PHKB: variants seen among roughly 807,000 people sequenced by gnomAD.
PHKB encodes phosphorylase kinase regulatory subunit beta.
In PHKB, 122 loss-of-function variants were observed where a neutral mutation model predicts 152.1. The ratio of observed to expected loss-of-function variants is 0.80; its 90% CI spans 0.69 to 0.93. The LOEUF (loss-of-function observed/expected upper bound fraction) is 0.93. PHKB is among the 40% of genes least tolerant of loss of function. The pLI, the probability that PHKB is intolerant of heterozygous loss-of-function variation, is 0.00. For missense variants in PHKB, 1,304 were observed against 1,328.4 expected (o/e 0.98, Z 0.29); for synonymous variants, 436 against 464.9 (o/e 0.94, Z 0.80).
chr16:47,483,649 G>A (rs1970003568), intron 1 of PHKB, among the ~76,000 whole-genome samples: 1 of 151,976 alleles, frequency 6.6e-6, no homozygotes, highest in Non-Finnish European at 1.5e-5. Flanking sequence ...TCCCATCTCC[G>A]TTTATAAGCA....
intron 20 of PHKB, among the ~76,000 whole-genome samples, chr16:47,654,070 C>G (rs139658970): frequency 6.6e-6 from 1 of 152,260 alleles, no homozygotes; most frequent in African/African-American, 2.4e-5. Context: ...CAAAGTATTT[C>G]TACAAATATG....
At chr16:47,630,108 G>A (rs1972798673) in intron 14 of PHKB, among the ~76,000 whole-genome samples, 2 of 152,010 alleles carry the variant, frequency 1.3e-5, no homozygotes, top group African/African-American at 2.4e-5. Flanking sequence ...GCACCAGCAA[G>A]GCACATGTAT....
chr16:47,630,039 A>C (rs376573410), intron 14 of PHKB, among the ~76,000 whole-genome samples: 16 of 84,452 alleles, frequency 1.9e-4, no homozygotes, highest in East Asian at 1.3e-3. Context: ...TCGGGGGAGG[A>C]GGGGGGGATG....
intron 10 of PHKB, among the ~76,000 whole-genome samples, chr16:47,591,229 C>A (rs1167215762): frequency 6.6e-6 from 1 of 152,104 alleles, no homozygotes; most frequent in Non-Finnish European, 1.5e-5. Flanking sequence ...CAAACGAAAC[C>A]CTTCCTCAGC....
chr16:47,463,181 A>G, intron 1 of PHKB: 1 of 152,616 alleles, frequency 6.6e-6, no homozygotes. Flanking sequence ...TTTCTTCGTC[A>G]GTCTTTGTTT....
intron 14 of PHKB, among the ~76,000 whole-genome samples, chr16:47,631,339 C>A (rs1972822958): frequency 1.3e-5 from 2 of 152,190 alleles, no homozygotes; most frequent in Non-Finnish European, 2.9e-5. Context: ...GTTTCCTCAT[C>A]TTTAAAATGG....
chr16:47,603,167 T>C (rs1394042639), intron 13 of PHKB, among the ~76,000 whole-genome samples: 1 of 152,164 alleles, frequency 6.6e-6, no homozygotes, highest in African/African-American at 2.4e-5. Context: ...GAAACTGAGG[T>C]CTTGATTTTC....
chr16:47,500,037 CTAAACCTTTTCATTTTCTTTT>C, intron 3 of PHKB, 143 bp downstream of exon 3: 1 of 886,286 alleles, frequency 1.1e-6, no homozygotes, highest in African/African-American at 1.7e-5. Context: ...TTTTAGGCCT[CTAAACCTTTTCATTTTCTTTT>C]TTTTTTTGAG....
intron 7 of PHKB, among the ~76,000 whole-genome samples, chr16:47,552,840 CAAAG>C (rs1971297732): frequency 6.6e-6 from 1 of 151,356 alleles, no homozygotes; most frequent in South Asian, 2.1e-4. Context: ...CACCAAAAAA[CAAAG>C]AATGTTGAAT....
intron 2 of PHKB, among the ~76,000 whole-genome samples, chr16:47,498,743 A>G (rs1379233254): frequency 6.6e-6 from 1 of 152,102 alleles, no homozygotes; most frequent in Non-Finnish European, 1.5e-5. Flanking sequence ...CTCTACAAAA[A>G]GTTTAAAAAT....
intron 27 of PHKB, among the ~76,000 whole-genome samples, chr16:47,691,676 C>T (rs1974062905): frequency 6.7e-6 from 1 of 150,362 alleles, no homozygotes; most frequent in Admixed American, 6.6e-5. Context: ...GCACTCCAGC[C>T]TCAGTGATAG....
intron 1 of PHKB, among the ~76,000 whole-genome samples, chr16:47,495,440 T>C (rs1397171127): frequency 6.6e-6 from 1 of 152,208 alleles, no homozygotes; most frequent in African/African-American, 2.4e-5. Context: ...CTTGGTGATT[T>C]ATGTTTTGTA....
intron 14 of PHKB, among the ~76,000 whole-genome samples, chr16:47,615,950 C>T (rs1567328480): frequency 6.6e-6 from 1 of 152,118 alleles, no homozygotes; most frequent in African/African-American, 2.4e-5. Flanking sequence ...TTAAAGCATG[C>T]AATGAAATGG....
chr16:47,677,600 C>A (rs1973756507), intron 26 of PHKB, among the ~76,000 whole-genome samples: 1 of 151,936 alleles, frequency 6.6e-6, no homozygotes, highest in East Asian at 1.9e-4. Context: ...GGTTACTAAT[C>A]CCAGCATAAG....
chr16:47,681,650 G>C (rs897814547), intron 26 of PHKB, among the ~76,000 whole-genome samples: 4 of 151,572 alleles, frequency 2.6e-5, no homozygotes, highest in Non-Finnish European at 4.4e-5. Context: ...CCTTTATTTT[G>C]AGCCTATGTG....
chr16:47,660,361 T>A lies in PHKB; in HGVS notation c.1972-145T>A, dbSNP rs976402365. The A allele has an allele frequency of 1.6e-5, 11 of 684,268 alleles. No individual in the cohort carries two copies. In the South Asian group the frequency reaches 1.7e-4, roughly 10 times the overall value. 42.4% of individuals were successfully genotyped at this position (684,268 alleles called of 1,614,324 possible). A position where few individuals can be genotyped will look rare whatever the true frequency, so the allele number is the denominator to read the frequency against. ...TAGAAACCTGTGTGATTTTAGAATG[T>A]TCATTTAAGAATTGCTTCAGAATTG... On this transcript the variant is annotated intron_variant, in intron 20 of 30. Coordinates refer to ENST00000323584, the MANE Select transcript of PHKB (RefSeq NM_000293.3).
At chr16:47,469,809 C>G (rs1419014149) in intron 1 of PHKB, among the ~76,000 whole-genome samples, 1 of 152,068 alleles carries the variant, frequency 6.6e-6, no homozygotes, top group Non-Finnish European at 1.5e-5. Context: ...CCCCTAAAAC[C>G]AAACAAATTG....
chr16:47,634,875 GT>G (rs1293070928), intron 14 of PHKB, among the ~76,000 whole-genome samples: 26 of 152,324 alleles, frequency 1.7e-4, no homozygotes, highest in African/African-American at 6.0e-4. Flanking sequence ...TTTACAGGAA[GT>G]TACTGGAGAG....
chr16:47,660,561 C>T lies in PHKB; in HGVS notation c.2027C>T (p.Thr676Ile), dbSNP rs1168478594. 3 of 1,613,220 alleles carry T rather than the reference C, an allele frequency of 1.9e-6. No individual in the cohort carries two copies. Among genetic ancestry groups the T allele is most frequent in the Non-Finnish European group, 2.5e-6 (3 of 1,179,198 alleles). ...EQLDFLRISD[T>I]EELPEFKSFE... ...CTTGATTTCCTACGAATCAGTGACA[C>T]AGAAGAGTAAGTCCCTTTGGGTTAT... The change falls in exon 21 of 31, where the codon ACA becomes ATA. Residue 676 changes from threonine to isoleucine, a missense_variant. Transcript: ENST00000323584.
Sources: gnomAD v4.1 joint callset for allele counts (sites outside exome capture counted in the v4.1 genomes callset) on GRCh38, gnomAD v4.1.1 for gene constraint, MANE v1.5 for transcripts, NCBI Gene and HGNC (gene_info 2026-07-23, HGNC 2026-07-21) for gene names.